ATP8A2: variants seen among roughly 807,000 people sequenced by gnomAD.
ATP8A2 encodes ATPase phospholipid transporting 8A2.
Under a neutral mutation model 165.6 loss-of-function variants are expected in ATP8A2, and 100 were observed. That is an observed-to-expected ratio of 0.60 (90% CI 0.51 to 0.71). The LOEUF (loss-of-function observed/expected upper bound fraction) is 0.71. Ranked by LOEUF, ATP8A2 falls within the 30% of genes least tolerant of loss-of-function variation. The pLI is 0.00. For synonymous variants in ATP8A2, 543 were observed against 548.8 expected (o/e 0.99, Z 0.15); for missense variants, 1,227 against 1,479.5 (o/e 0.83, Z 2.80).
intron 33 of ATP8A2, among the ~76,000 whole-genome samples, chr13:25,945,796 G>C (rs1955195128): frequency 6.6e-6 from 1 of 152,184 alleles, no homozygotes; most frequent in Non-Finnish European, 1.5e-5. Flanking sequence ...CGGCCAGCTG[G>C]CAGGGGCTCA....
chr13:25,747,981 A>G (rs1465939948), intron 25 of ATP8A2, among the ~76,000 whole-genome samples: 2 of 152,226 alleles, frequency 1.3e-5, no homozygotes. Flanking sequence ...CATTCAGCCA[A>G]TCATTCAGAA....
intron 1 of ATP8A2, among the ~76,000 whole-genome samples, chr13:25,392,167 A>G (rs1161231637): frequency 6.6e-6 from 1 of 152,256 alleles, no homozygotes; most frequent in Non-Finnish European, 1.5e-5. Flanking sequence ...ACTAGTCAGA[A>G]GAACTTTCTG....
intron 30 of ATP8A2, among the ~76,000 whole-genome samples, chr13:25,857,293 A>G (rs773680023): frequency 1.3e-5 from 2 of 152,140 alleles, no homozygotes; most frequent in Non-Finnish European, 2.9e-5. Flanking sequence ...ATCTGCTCAA[A>G]TGTCACCTCC....
chr13:25,400,555 A>T (rs891392756), intron 1 of ATP8A2, among the ~76,000 whole-genome samples: 1 of 152,184 alleles, frequency 6.6e-6, no homozygotes, highest in African/African-American at 2.4e-5. Context: ...AATATACACA[A>T]TATTGTTGCT....
In ATP8A2 at chr13:25,932,389, T is replaced by G. The variant is rs180674533; in HGVS notation, c.3184-29186T>G. On this transcript the variant is annotated intron_variant, in intron 33 of 36. Transcript: ENST00000381655. ...CGCAAGAAAGAACCCTTTTCATCAC[T>G]TGAGTAACCATTGCCCCCTCCCCAC... 2.0e-5 allele frequency among the ~76,000 whole-genome samples: 3 copies of G among 152,302 alleles called. No individual in the cohort carries two copies. The East Asian group carries it at 5.8e-4, about 30-fold the overall frequency.
chr13:25,398,729 C>G (rs144403020), intron 1 of ATP8A2, among the ~76,000 whole-genome samples: 5 of 152,326 alleles, frequency 3.3e-5, no homozygotes, highest in African/African-American at 1.2e-4. Context: ...AGGAAGGTGT[C>G]TGCAGAATTA....
chr13:25,900,588 G>A (rs1300291004), intron 33 of ATP8A2, among the ~76,000 whole-genome samples: 2 of 152,102 alleles, frequency 1.3e-5, no homozygotes, highest in Admixed American at 6.5e-5. Flanking sequence ...AAAGAGTTTT[G>A]GCTAAAGGTT....
intron 25 of ATP8A2, among the ~76,000 whole-genome samples, chr13:25,706,240 T>A (rs2043052470): frequency 6.6e-6 from 1 of 152,148 alleles, no homozygotes; most frequent in African/African-American, 2.4e-5. Context: ...GAGGTTATTT[T>A]GTGAAAGTAT....
intron 24 of ATP8A2, among the ~76,000 whole-genome samples, chr13:25,671,165 T>A (rs1336505975): frequency 6.6e-6 from 1 of 152,220 alleles, no homozygotes; most frequent in African/African-American, 2.4e-5. Flanking sequence ...CATAAATTGT[T>A]AAGATTTCAT....
chr13:25,659,311 T>C (rs2181424), intron 24 of ATP8A2, among the ~76,000 whole-genome samples: 55,102 of 152,128 alleles, frequency 0.36, 10,829 homozygotes, highest in Middle Eastern at 0.48. Context: ...TCTGGAACTT[T>C]AGGCAAGTTA....
At chr13:25,395,355 C>T (rs971181053) in intron 1 of ATP8A2, among the ~76,000 whole-genome samples, 1 of 152,030 alleles carries the variant, frequency 6.6e-6, no homozygotes, top group African/African-American at 2.4e-5. Flanking sequence ...TTGTCATCCT[C>T]ACCTTCAGTT....
rs752035230 is a variant in ATP8A2, at chr13:26,012,499, A to T, written c.3378-32A>T. The T allele has an allele frequency of 2.6e-6, 4 of 1,523,204 alleles. No homozygotes were observed. The South Asian group carries it at 4.9e-5, about 19-fold the overall frequency. The allele number at this position is 1,523,204 out of a possible 1,614,324, so 94.4% of individuals were successfully genotyped here. ...CTTGTGCAACCCGAGTGTTCAGGTGACAAGAGACTGACGCGCTTGCTTTAT... is the reference window on the plus strand; with the variant it reads ...CTTGTGCAACCCGAGTGTTCAGGTGTCAAGAGACTGACGCGCTTGCTTTAT... On this transcript the variant is annotated intron_variant, in intron 35 of 36. Coordinates refer to ENST00000381655, the MANE Select transcript of ATP8A2 (RefSeq NM_016529.6).
intron 28 of ATP8A2, among the ~76,000 whole-genome samples, chr13:25,831,997 T>C (rs1159670973): frequency 2.0e-5 from 3 of 151,870 alleles, no homozygotes; most frequent in African/African-American, 2.4e-5. Context: ...TGGAGTGCAA[T>C]GGCGCAATCT....
chr13:25,621,408 C>T (rs921074467), intron 24 of ATP8A2, among the ~76,000 whole-genome samples: 1 of 152,094 alleles, frequency 6.6e-6, no homozygotes, highest in Non-Finnish European at 1.5e-5. Context: ...TTTTCTCAAC[C>T]TTTTCTGCTA....
intron 2 of ATP8A2, among the ~76,000 whole-genome samples, chr13:25,494,882 T>C (rs1412644576): frequency 6.6e-6 from 1 of 152,234 alleles, no homozygotes; most frequent in African/African-American, 2.4e-5. Context: ...CCCGGAGCTT[T>C]GCAATGTCCT....
chr13:25,860,100 T>C (rs977356208), intron 30 of ATP8A2, 95 bp from the exon 31 acceptor site: 7 of 710,682 alleles, frequency 9.8e-6, no homozygotes, highest in African/African-American at 1.7e-5. Context: ...TGTGAGTTGA[T>C]TGATGTTCCT....
At chr13:25,803,468 A>C (rs1270634156) in intron 27 of ATP8A2, among the ~76,000 whole-genome samples, 1 of 152,202 alleles carries the variant, frequency 6.6e-6, no homozygotes, top group Non-Finnish European at 1.5e-5. Context: ...ATATGTAAAA[A>C]TATATATGTA....
rs932864604 is a variant in ATP8A2 at position 25,478,912 on chromosome 13, A to G, written c.221+9791A>G. Reference sequence around the variant, plus strand: ...CACCAGGCTGGAGGGCAGTGGCGTGATCTTGGCTCACTGCAACCTCCGCCT... The same window carrying G: ...CACCAGGCTGGAGGGCAGTGGCGTGGTCTTGGCTCACTGCAACCTCCGCCT... On this transcript the variant is annotated intron_variant, in intron 2 of 36. Transcript: ENST00000381655. Among the ~76,000 whole-genome samples, 3 of 150,922 alleles carry G rather than the reference A, an allele frequency of 2.0e-5. No homozygotes were observed. In the East Asian group the frequency reaches 5.9e-4, roughly 29 times the overall value.
chr13:25,953,121 G>A lies in ATP8A2; in HGVS notation c.3184-8454G>A, dbSNP rs933860278. Among the ~76,000 whole-genome samples the A allele has an allele frequency of 1.2e-4, 19 of 152,152 alleles. No individual in the cohort carries two copies. The highest frequency in any genetic ancestry group is 2.9e-5 in the Non-Finnish European group (2 of 68,034). ...ACAGGTTTTGTTTTATTTTGTTGTT[G>A]TGTTGTCGATGCTGGGTGGGAATGG... On this transcript the variant is annotated intron_variant, in intron 33 of 36. Transcript: ENST00000381655. This position sits in a 1 kb window ranked among gnomAD's most constrained non-coding sequence, Gnocchi z 6.7.
Sources: gnomAD v4.1 joint callset for allele counts (sites outside exome capture counted in the v4.1 genomes callset) on GRCh38, gnomAD v4.1.1 for gene constraint, Gnocchi (gnomAD v3.1) non-coding constraint, MANE v1.5 for transcripts, NCBI Gene and HGNC (gene_info 2026-07-23, HGNC 2026-07-21) for gene names.